The following RPS6KA2 variants were observed in gnomAD, a reference collection of about 807,000 sequenced individuals.
RPS6KA2 encodes ribosomal protein S6 kinase A2, also known as ribosomal protein S6 kinase alpha-2.
A neutral mutation model predicts 91.8 loss-of-function variants in RPS6KA2; 42 were observed. The ratio of observed to expected loss-of-function variants is 0.46; its 90% confidence interval spans 0.36 to 0.59. RPS6KA2 has a LOEUF of 0.59. Ranked by LOEUF, RPS6KA2 falls within the 20% of genes least tolerant of loss-of-function variation. The pLI is 0.00. For synonymous variants in RPS6KA2, 414 were observed against 393.6 expected, an observed-to-expected ratio of 1.05 and a Z score of -0.61; for missense variants, 798 against 978.5, an observed-to-expected ratio of 0.82 and a Z score of 2.46.
At chr6:166,742,408 C>T (rs891062847) in intron 2 of RPS6KA2, among the ~76,000 whole-genome samples, 1 of 152,130 alleles carries the variant, frequency 6.6e-6, no homozygotes, top group African/African-American at 2.4e-5. Flanking sequence ...AGAGTTGTGT[C>T]ATAAGAGAGA....
At chr6:166,706,374 T>C (rs1004039411) in intron 2 of RPS6KA2, among the ~76,000 whole-genome samples, 1 of 151,750 alleles carries the variant, frequency 6.6e-6, no homozygotes, top group Non-Finnish European at 1.5e-5. Context: ...ATGTGAAGAG[T>C]TCCTCAACTC....
intron 6 of RPS6KA2, among the ~76,000 whole-genome samples, chr6:166,503,401 C>T (rs56273923): frequency 0.012 from 1,864 of 152,338 alleles, 33 homozygotes; most frequent in Non-Finnish European, 0.018. Flanking sequence ...ACACCAGCTT[C>T]GGAGCAGGGC....
intron 2 of RPS6KA2, among the ~76,000 whole-genome samples, chr6:166,839,699 A>AGGG (rs1780415917): frequency 1.5e-4 from 3 of 19,494 alleles, no homozygotes; most frequent in African/African-American, 7.5e-4. Context: ...AGAGGGGAGG[A>AGGG]GAGGAGAGGA....
chr6:166,541,993 C>T (rs1340592769), intron 1 of RPS6KA2, among the ~76,000 whole-genome samples: 1 of 152,246 alleles, frequency 6.6e-6, no homozygotes, highest in African/African-American at 2.4e-5. Context: ...CATCACCTTT[C>T]AGACTTCAGA....
intron 10 of RPS6KA2, among the ~76,000 whole-genome samples, chr6:166,471,214 A>G (rs183332123): frequency 6.6e-6 from 1 of 152,240 alleles, no homozygotes; most frequent in African/African-American, 2.4e-5. Flanking sequence ...TGTGGTCAGC[A>G]CAGGTGTGGC....
At chr6:166,806,369 G>C (rs1779492154) in intron 2 of RPS6KA2, among the ~76,000 whole-genome samples, 1 of 152,158 alleles carries the variant, frequency 6.6e-6, no homozygotes, top group Admixed American at 6.5e-5. Context: ...AATTTTGAAA[G>C]CAGCAAAAGA....
intron 2 of RPS6KA2, among the ~76,000 whole-genome samples, chr6:166,744,327 G>C (rs1371321544): frequency 6.6e-6 from 1 of 151,756 alleles, no homozygotes; most frequent in Non-Finnish European, 1.5e-5. Context: ...GCGTGTGCAG[G>C]GGTTCCCCGT....
chr6:166,530,949 C>A (rs1198284588), intron 3 of RPS6KA2, among the ~76,000 whole-genome samples: 4 of 152,280 alleles, frequency 2.6e-5, no homozygotes, highest in African/African-American at 9.6e-5. Context: ...TGCTCGCAGC[C>A]TGCTGCTCTG....
At chr6:166,836,306 G>A (rs1003148580) in intron 2 of RPS6KA2, among the ~76,000 whole-genome samples, 4 of 152,058 alleles carry the variant, frequency 2.6e-5, no homozygotes, top group African/African-American at 7.2e-5. Context: ...ACATATTTGT[G>A]TAGAATTGGT....
intron 1 of RPS6KA2, among the ~76,000 whole-genome samples, chr6:166,546,845 A>T (rs1439561230): frequency 6.6e-6 from 1 of 152,218 alleles, no homozygotes; most frequent in Non-Finnish European, 1.5e-5. Context: ...TAAGAAGAAT[A>T]AAAAATGCTG....
intron 16 of RPS6KA2, among the ~76,000 whole-genome samples, chr6:166,429,449 A>T (rs937972778): frequency 4.6e-5 from 7 of 151,868 alleles, no homozygotes; most frequent in South Asian, 2.1e-4. Flanking sequence ...TAATAAAATT[A>T]AAAAAAAATT....
intron 10 of RPS6KA2, among the ~76,000 whole-genome samples, chr6:166,486,255 AGCACACACACACACAT>A (rs1781405477): frequency 3.2e-5 from 2 of 61,956 alleles, no homozygotes; most frequent in African/African-American, 1.6e-4. Context: ...CACAGCTGTG[AGCACACACACACACAT>A]GTGCACGCAC....
In RPS6KA2 at chr6:166,448,516, G is replaced by A. The variant is rs1265836277; in HGVS notation, c.1332+208C>T. Among the ~76,000 whole-genome samples the A allele has an allele frequency of 6.6e-6, 1 of 152,232 alleles. No individual in the cohort carries two copies. The highest frequency in any genetic ancestry group is 2.4e-5 in the African/African-American group (1 of 41,466). On this transcript the variant is annotated intron_variant, in intron 14 of 20. Transcript: ENST00000265678. This position sits in a 1 kb window ranked among gnomAD's most constrained non-coding sequence, Gnocchi z 4.7. Reference sequence around the variant, plus strand: ...AGAGAATGTTCACTCAGGCTCAGGTGTCCCTGCTGGAGTCACTGCACAGCT... The same window carrying A: ...AGAGAATGTTCACTCAGGCTCAGGTATCCCTGCTGGAGTCACTGCACAGCT...
At position 166,770,232 on chromosome 6, in the gene RPS6KA2, G is replaced by A. The variant is rs1778429783; in HGVS notation, c.123+87968C>T. 6.6e-6 allele frequency among the ~76,000 whole-genome samples: 1 copy of A among 152,178 alleles called. No homozygotes were observed. The highest frequency in any genetic ancestry group is 2.1e-4 in the South Asian group (1 of 4,834). On this transcript the variant is annotated intron_variant, in intron 2 of 21. Coordinates refer to the RPS6KA2 transcript ENST00000503859. The surrounding 1 kb of genome is among the most constrained non-coding windows in gnomAD (Gnocchi z 5.1). ...GTTGCAGCCCAAAGCATTGAAAACAGCTATTAAACTATCTTTAAAAATGTC... is the reference window on the plus strand; with the variant it reads ...GTTGCAGCCCAAAGCATTGAAAACAACTATTAAACTATCTTTAAAAATGTC...
rs1484829331 is a variant in RPS6KA2 at position 166,648,826 on chromosome 6, C to T, written c.124-110042G>A. Among the ~76,000 whole-genome samples, 3 of 152,130 alleles carry T rather than the reference C, an allele frequency of 2.0e-5. No individual in the cohort carries two copies. Among genetic ancestry groups the T allele is most frequent in the Non-Finnish European group, 4.4e-5 (3 of 68,034 alleles). ...CGACTCAAAACATCGGTGCCTGGCA[C>T]AGGAAGCATCTCATTCTGTCTCTCC... is the stretch of plus-strand genomic sequence containing the variant. On this transcript the variant is annotated intron_variant, in intron 2 of 21. Transcript: ENST00000503859. The surrounding 1 kb of genome is among the most constrained non-coding windows in gnomAD (Gnocchi z 4.8).
In RPS6KA2 at chr6:166,762,642, T is replaced by C. The variant is rs147001476; in HGVS notation, c.123+95558A>G. Among the ~76,000 whole-genome samples, 4 of 152,200 alleles carry C rather than the reference T, an allele frequency of 2.6e-5. No homozygotes were observed. The East Asian group carries it at 7.7e-4, about 29-fold the overall frequency. On this transcript the variant is annotated intron_variant, in intron 2 of 21. Coordinates refer to the RPS6KA2 transcript ENST00000503859. ...GGTCCCTGAGAGACTCAGCCTCACA[T>C]GAAAGTCCTGTTTGCTCCCAGTTCA...
intron 10 of RPS6KA2, among the ~76,000 whole-genome samples, chr6:166,474,838 CCT>C (rs1780904924): frequency 6.6e-6 from 1 of 152,132 alleles, no homozygotes; most frequent in African/African-American, 2.4e-5. Context: ...CAACCGCGAG[CCT>C]CTCCCATCTC....
intron 16 of RPS6KA2, among the ~76,000 whole-genome samples, chr6:166,425,593 A>G (rs1778881621): frequency 6.6e-6 from 1 of 152,084 alleles, no homozygotes; most frequent in Non-Finnish European, 1.5e-5. Context: ...TCAAAATAAA[A>G]GGATGGAGGA....
intron 2 of RPS6KA2, among the ~76,000 whole-genome samples, chr6:166,771,270 G>A (rs1431923352): frequency 1.3e-5 from 2 of 152,194 alleles, no homozygotes; most frequent in African/African-American, 2.4e-5. Flanking sequence ...TGACGAGCAG[G>A]CAAATGCTTT....
Sources: allele counts gnomAD v4.1 joint callset (sites outside exome capture counted in the v4.1 genomes callset), GRCh38; gene constraint gnomAD v4.1.1; non-coding constraint Gnocchi (gnomAD v3.1); transcripts MANE v1.5; gene names NCBI Gene and HGNC (gene_info 2026-07-23, HGNC 2026-07-21).